The following ARL15 variants were observed in gnomAD, a reference collection of about 807,000 sequenced individuals.
ARL15 encodes ARF like GTPase 15.
Under a neutral mutation model 25.2 loss-of-function variants are expected in ARL15, and 19 were observed. The ratio of observed to expected loss-of-function variants is 0.75; its 90% CI spans 0.53 to 1.10. The LOEUF (loss-of-function observed/expected upper bound fraction) is 1.10. Ranked by LOEUF, ARL15 falls within the 50% of genes least tolerant of loss-of-function variation. The pLI is 0.00. For missense variants in ARL15, 220 were observed against 246.0 expected (o/e 0.89, Z 0.71); for synonymous variants, 94 against 86.8 (o/e 1.08, Z -0.46).
At chr5:54,200,289 T>C (rs1755681313) in intron 1 of ARL15, among the ~76,000 whole-genome samples, 2 of 142,486 alleles carry the variant, frequency 1.4e-5, no homozygotes, top group South Asian at 2.2e-4. Flanking sequence ...AAACTTAAAG[T>C]ATAATAATAA....
intron 4 of ARL15, among the ~76,000 whole-genome samples, chr5:54,060,782 G>C (rs1400864854): frequency 6.6e-6 from 1 of 152,186 alleles, no homozygotes; most frequent in African/African-American, 2.4e-5. Flanking sequence ...TTCTGCCCTA[G>C]AGATTTGTGG....
chr5:54,263,135 T>TAG (rs146856471), intron 1 of ARL15, among the ~76,000 whole-genome samples: 3,711 of 152,074 alleles, frequency 0.024, 179 homozygotes, highest in African/African-American at 0.085. Flanking sequence ...CACAATATTT[T>TAG]AGTTTTTTTT....
intron 4 of ARL15, among the ~76,000 whole-genome samples, chr5:54,082,872 C>A (rs1579779884): frequency 1.3e-5 from 2 of 152,116 alleles, no homozygotes; most frequent in Non-Finnish European, 2.9e-5. Flanking sequence ...ATAGAGGCTG[C>A]TGAAGAATTG....
chr5:53,943,396 A>G (rs761601048), intron 4 of ARL15, among the ~76,000 whole-genome samples: 1 of 152,136 alleles, frequency 6.6e-6, no homozygotes, highest in Admixed American at 6.5e-5. Context: ...GGGATACTGA[A>G]GGTTTGAGAG....
At chr5:53,950,993 GT>G (rs1408309520) in intron 4 of ARL15, among the ~76,000 whole-genome samples, 1 of 152,136 alleles carries the variant, frequency 6.6e-6, no homozygotes, top group African/African-American at 2.4e-5. Flanking sequence ...CCCACTCCCT[GT>G]TTTCATATGG....
At chr5:54,265,893 C>T (rs1409359435) in intron 1 of ARL15, among the ~76,000 whole-genome samples, 1 of 152,190 alleles carries the variant, frequency 6.6e-6, no homozygotes, top group Non-Finnish European at 1.5e-5. Flanking sequence ...CCATATTAAG[C>T]CTCGTTTAAC....
At chr5:54,135,149 T>C (rs1245698757) in intron 3 of ARL15, among the ~76,000 whole-genome samples, 3 of 151,690 alleles carry the variant, frequency 2.0e-5, no homozygotes, top group Non-Finnish European at 2.9e-5. Flanking sequence ...TAATGTCTGG[T>C]ACTTGGAATA....
chr5:53,929,562 G>A (rs1307496842), intron 4 of ARL15, among the ~76,000 whole-genome samples: 2 of 152,204 alleles, frequency 1.3e-5, no homozygotes, highest in African/African-American at 4.8e-5. Context: ...TTTAAAAGTA[G>A]CTTTTCTGCT....
intron 4 of ARL15, among the ~76,000 whole-genome samples, chr5:54,027,056 A>AT (rs1332356290): frequency 1.3e-5 from 2 of 152,162 alleles, no homozygotes; most frequent in African/African-American, 4.8e-5. Context: ...ACTAAAGTGC[A>AT]TTTTGTTATT....
chr5:54,120,191 G>A (rs887493979), intron 3 of ARL15, among the ~76,000 whole-genome samples: 2 of 152,094 alleles, frequency 1.3e-5, no homozygotes, highest in Non-Finnish European at 2.9e-5. Context: ...CTATCTTTTT[G>A]GTTGATGGTG....
intron 4 of ARL15, among the ~76,000 whole-genome samples, chr5:54,001,058 T>A (rs1241586741): frequency 6.6e-6 from 1 of 152,184 alleles, no homozygotes; most frequent in Non-Finnish European, 1.5e-5. Context: ...GATAAAACTT[T>A]ATATTTTAGT....
In ARL15 at chr5:53,948,887, T is replaced by C. The variant is rs181803204; in HGVS notation, c.463-62174A>G. On this transcript the variant is annotated intron_variant, in intron 4 of 4. Transcript: ENST00000504924. ...CATGCTACTGAAACATAAATGTACATAGCCCGGAGCTGAAGGATTTTATAA... is the reference window on the plus strand; with the variant it reads ...CATGCTACTGAAACATAAATGTACACAGCCCGGAGCTGAAGGATTTTATAA... Among the ~76,000 whole-genome samples, 713 of 152,258 alleles carry C rather than the reference T, an allele frequency of 4.7e-3. 7 individuals are homozygous for C. Among genetic ancestry groups the C allele is most frequent in the African/African-American group, 0.017 (692 of 41,560 alleles).
At chr5:54,258,732 A>T (rs1757427904) in intron 1 of ARL15, among the ~76,000 whole-genome samples, 4 of 152,272 alleles carry the variant, frequency 2.6e-5, no homozygotes, top group African/African-American at 9.6e-5. Context: ...GAGGGGCATG[A>T]AATGAAAAAC....
intron 4 of ARL15, among the ~76,000 whole-genome samples, chr5:54,005,833 G>T (rs1749013718): frequency 6.6e-6 from 1 of 150,634 alleles, no homozygotes; most frequent in Non-Finnish European, 1.5e-5. Context: ...CTGCACTCTA[G>T]CCTGGGTGAC....
At chr5:54,169,454 A>G (rs1217764431) in intron 2 of ARL15, among the ~76,000 whole-genome samples, 2 of 152,214 alleles carry the variant, frequency 1.3e-5, no homozygotes, top group African/African-American at 2.4e-5. Context: ...CTGGCATCCT[A>G]TCTCTAGCTA....
At chr5:54,001,489 C>A (rs1748848484) in intron 4 of ARL15, among the ~76,000 whole-genome samples, 2 of 152,186 alleles carry the variant, frequency 1.3e-5, no homozygotes, top group African/African-American at 4.8e-5. Context: ...AAGTATCAAT[C>A]TCCTTATTCT....
At chr5:54,056,676 A>T (rs2112011551) in intron 4 of ARL15, among the ~76,000 whole-genome samples, 1 of 151,990 alleles carries the variant, frequency 6.6e-6, no homozygotes, top group East Asian at 1.9e-4. Context: ...TTACAAATAA[A>T]GAAACTGACA....
intron 4 of ARL15, among the ~76,000 whole-genome samples, chr5:53,890,218 AT>A (rs1561137512): frequency 6.6e-6 from 1 of 152,052 alleles, no homozygotes; most frequent in African/African-American, 2.4e-5. Context: ...ATTGTTCACC[AT>A]TGCTTTTTTG....
chr5:54,030,802 A>G (rs1467893441), intron 4 of ARL15, among the ~76,000 whole-genome samples: 2 of 152,232 alleles, frequency 1.3e-5, no homozygotes, highest in Non-Finnish European at 2.9e-5. Flanking sequence ...AAGGGCAAAG[A>G]GCACTAAAAT....
Sources: gnomAD v4.1 joint callset for allele counts (sites outside exome capture counted in the v4.1 genomes callset) on GRCh38, gnomAD v4.1.1 for gene constraint, MANE v1.5 for transcripts, NCBI Gene and HGNC (gene_info 2026-07-23, HGNC 2026-07-21) for gene names.